Variants in TMEM150A observed in about 807,000 individuals in gnomAD.
The protein encoded by TMEM150A is transmembrane protein 150A.
A neutral mutation model predicts 29.8 loss-of-function variants in TMEM150A; 18 were observed. That is an observed-to-expected ratio of 0.60 (90% CI 0.42 to 0.90). The LOEUF is 0.90. Among genes scored for constraint, TMEM150A ranks in the 40% least tolerant of loss-of-function variants. The probability of loss-of-function intolerance (pLI) is 0.00; values close to 1 mark genes in which losing one functional copy is unlikely to be tolerated. For missense variants in TMEM150A, 251 were observed against 349.7 expected (o/e 0.72, Z 2.25); for synonymous variants, 127 against 143.6 (o/e 0.88, Z 0.83).
chr2:85,600,090 C>T, intron 5 of TMEM150A, 72 bp from the exon 6 acceptor site: 1 of 1,585,598 alleles, frequency 6.3e-7, no homozygotes, highest in South Asian at 1.1e-5. Flanking sequence ...CAGCTTCCCC[C>T]AGACGCTGTG....
Position 85,601,098 on chromosome 2 carries a change from G to A in TMEM150A, c.123C>T (p.Asn41=), listed in dbSNP as rs376821311. ...HVCPVENWSY[N]ESCPPDPAEQ... is the part of the protein sequence containing the mutation. ...CAGCAGGGTCAGGAGGGCAGGACTC[G>A]TTGTAGGACCTGGCAGGCAGGACAG... is the stretch of plus-strand genomic sequence containing the variant. Residue 41 remains asparagine, a synonymous_variant, in exon 4 of 8, where the codon AAC becomes AAT. Coordinates refer to ENST00000334462, the MANE Select transcript of TMEM150A (RefSeq NM_001031738.3). The surrounding 1 kb of genome is among the most constrained non-coding windows in gnomAD (Gnocchi z 4.0). 7.4e-6 allele frequency: 12 copies of A among 1,612,620 alleles called. No individual in the cohort carries two copies. The South Asian group carries it at 7.7e-5, about 10-fold the overall frequency.
rs1469508854 is a variant in TMEM150A at position 85,599,251 on chromosome 2, C to T, written c.641G>A (p.Cys214Tyr). Residue 214 changes from cysteine to tyrosine, a missense_variant, in exon 8 of 8, where the codon TGT becomes TAT. Physicochemically the swap from Cys to Tyr is radical, Grantham distance 194. Transcript: ENST00000334462. The surrounding 1 kb of genome is among the most constrained non-coding windows in gnomAD (Gnocchi z 6.0). The part of the protein sequence containing the change: ...QHGAALCEWV[C>Y]VIDILIFYGT... ...ATAGAAAATGAGGATATCGATGACA[C>T]ACACCCACTCACACAGGGCTGCCCC... 1 of 1,614,064 alleles carries T rather than the reference C, an allele frequency of 6.2e-7. No individual in the cohort carries two copies.
In TMEM150A at chr2:85,601,236, T is replaced by C; in HGVS notation, c.114-129A>G. ...AGGGACAGAAGATCCCACTCCCCAGTGCCCGCCTGAAGCAGTAACCAAAGG... is the reference window on the plus strand; with the variant it reads ...AGGGACAGAAGATCCCACTCCCCAGCGCCCGCCTGAAGCAGTAACCAAAGG... On this transcript the variant is annotated intron_variant, in intron 3 of 7. Transcript: ENST00000334462. The surrounding 1 kb of genome is among the most constrained non-coding windows in gnomAD (Gnocchi z 4.0). 1 of 1,194,274 alleles carries C rather than the reference T, an allele frequency of 8.4e-7. No homozygotes were observed. The allele number at this position is 1,194,274 out of a possible 1,614,324, so 74.0% of individuals were successfully genotyped here. A position where few individuals can be genotyped will look rare whatever the true frequency, so the allele number is the denominator to read the frequency against.
chr2:85,602,479 G>T lies in TMEM150A; in HGVS notation c.-117+128C>A, dbSNP rs112653777. 2 of 151,898 alleles carry T rather than the reference G, an allele frequency of 1.3e-5. No individual in the cohort carries two copies. The highest frequency in any genetic ancestry group is 4.8e-5 in the African/African-American group (2 of 41,344). The allele number at this position is 151,898 out of a possible 1,614,324, so 9.4% of individuals were successfully genotyped here. On this transcript the variant is annotated intron_variant, in intron 1 of 7. Transcript: ENST00000334462. The surrounding 1 kb of genome is among the most constrained non-coding windows in gnomAD (Gnocchi z 5.6). Reference sequence around the variant, plus strand: ...GAAAGCCCAGCCCGGCCCGGCCCCCGCTCGCCTGGGCGCGGGGACCCCGGC... The same window carrying T: ...GAAAGCCCAGCCCGGCCCGGCCCCCTCTCGCCTGGGCGCGGGGACCCCGGC...
At position 85,602,164 on chromosome 2, in the gene TMEM150A, G is replaced by A; in HGVS notation, c.-116-100C>T. 1.9e-6 allele frequency: 1 copy of A among 523,838 alleles called. No homozygotes were observed. Among genetic ancestry groups the A allele is most frequent in the South Asian group, 2.2e-5 (1 of 46,352 alleles). 32.4% of individuals were successfully genotyped at this position (523,838 alleles called of 1,614,324 possible). The stretch of plus-strand genomic sequence containing the variant: ...TCCAGCGCTCCCGTTGGGTCTCTGA[G>A]CGTCCAAAGTTTGGGCTGAGCCCAC... On this transcript the variant is annotated intron_variant, in intron 1 of 7. Transcript: ENST00000334462. This position sits in a 1 kb window ranked among gnomAD's most constrained non-coding sequence, Gnocchi z 5.6.
At chr2:85,600,867 A>G in intron 4 of TMEM150A, 154 bp downstream of exon 4, 1 of 651,252 alleles carries the variant, frequency 1.5e-6, no homozygotes. Context: ...AGCACTCAGC[A>G]GAGTGCCTGC....
rs1672771211 is a variant in TMEM150A at position 85,598,978 on chromosome 2, C to T, written c.*98G>A. On this transcript the variant is annotated 3_prime_UTR_variant, in exon 8 of 8. Transcript: ENST00000334462. ...AGAAGTGAGGAAGCCCAGATCCCAACAGAATACTTTCTCAAAATTGTTTTT... is the reference window on the plus strand; with the variant it reads ...AGAAGTGAGGAAGCCCAGATCCCAATAGAATACTTTCTCAAAATTGTTTTT... 4.0e-6 allele frequency: 6 copies of T among 1,512,864 alleles called. No individual in the cohort carries two copies. Among genetic ancestry groups the T allele is most frequent in the Non-Finnish European group, 5.3e-6 (6 of 1,125,744 alleles). The allele number at this position is 1,512,864 out of a possible 1,614,324, so 93.7% of individuals were successfully genotyped here.
At position 85,601,449 on chromosome 2, in the gene TMEM150A, G is replaced by A. The variant is rs543708298; in HGVS notation, c.99C>T (p.Cys33=). The A allele has an allele frequency of 6.2e-7, 1 of 1,613,514 alleles. No homozygotes were observed. Among genetic ancestry groups the A allele is most frequent in the Admixed American group, 1.7e-5 (1 of 60,022 alleles). Residue 33 remains cysteine, a synonymous_variant, in exon 3 of 8, where the codon TGC becomes TGT. Transcript: ENST00000334462. The surrounding 1 kb of genome is among the most constrained non-coding windows in gnomAD (Gnocchi z 4.0). ...GTCCTTCATACCAGTTCTCCACAGG[G>A]CATACATGGTGGTTCATCACAGCCA... ...YAMAVMNHHV[C]PVENWSYNES...
At position 85,601,983 on chromosome 2, in the gene TMEM150A, GGGA is replaced by G; in HGVS notation, c.-38_-36del. The stretch of plus-strand genomic sequence containing the variant: ...GAGCCAGGGTGGTGGTGGTGTTGGG[GGGA>G]GGACAAGAGGTAGATGGGGAAGTGG... On this transcript the variant is annotated 5_prime_UTR_variant, in exon 2 of 8. Transcript: ENST00000334462. The surrounding 1 kb of genome is among the most constrained non-coding windows in gnomAD (Gnocchi z 4.0). 6.2e-7 allele frequency: 1 copy of G among 1,610,420 alleles called. No individual in the cohort carries two copies. The highest frequency in any genetic ancestry group is 8.5e-7 in the Non-Finnish European group (1 of 1,176,844).
rs1672760529 is a variant in TMEM150A at position 85,598,793 on chromosome 2, G to A, written c.*283C>T. ...ACCCCAGTGGTCTGGCTTTGGCACT[G>A]GGAGTAGAAGGCACCTGAAGGGCTG... On this transcript the variant is annotated 3_prime_UTR_variant, in exon 8 of 8. Transcript: ENST00000334462. 2.5e-6 allele frequency: 1 copy of A among 402,714 alleles called. No homozygotes were observed. The highest frequency in any genetic ancestry group is 2.5e-5 in the South Asian group (1 of 40,574). 24.9% of individuals were successfully genotyped at this position (402,714 alleles called of 1,614,324 possible).
Position 85,599,675 on chromosome 2 carries a change from C to A in TMEM150A, c.424G>T (p.Val142Phe). Residue 142 changes from valine to phenylalanine, a missense_variant, in exon 7 of 8, where the codon GTT (valine) becomes TTT (phenylalanine). Transcript: ENST00000334462. This position sits in a 1 kb window ranked among gnomAD's most constrained non-coding sequence, Gnocchi z 6.0. ...QVDHARSLHYVGAGVAFPAGL... is the reference protein window; with the variant it reads ...QVDHARSLHYFGAGVAFPAGL... ...GCAGGGAAGGCCACGCCAGCTCCAACGTAGTGCAGAGACCTGGCATGATCC... is the reference window on the plus strand; with the variant it reads ...GCAGGGAAGGCCACGCCAGCTCCAAAGTAGTGCAGAGACCTGGCATGATCC... 6.2e-7 allele frequency: 1 copy of A among 1,613,442 alleles called. No homozygotes were observed. The highest frequency in any genetic ancestry group is 8.5e-7 in the Non-Finnish European group (1 of 1,179,940).
rs1403498484 is a variant in TMEM150A at position 85,601,597 on chromosome 2, G to A, written c.66-115C>T. On this transcript the variant is annotated intron_variant, in intron 2 of 7. Transcript: ENST00000334462. The surrounding 1 kb of genome is among the most constrained non-coding windows in gnomAD (Gnocchi z 4.0). The stretch of plus-strand genomic sequence containing the variant: ...CCATTCAGCCTCATTATTGTTGCTG[G>A]GGACTCAAGTTGAGGTCCCTAAGGC... 3.1e-6 allele frequency: 4 copies of A among 1,275,820 alleles called. No homozygotes were observed. The highest frequency in any genetic ancestry group is 2.0e-5 in the Admixed American group (1 of 48,922). 79.0% of individuals were successfully genotyped at this position (1,275,820 alleles called of 1,614,324 possible). A position where few individuals can be genotyped will look rare whatever the true frequency, so the allele number is the denominator to read the frequency against.
chr2:85,599,824 G>T lies in TMEM150A; in HGVS notation c.396+67C>A. 6.2e-7 allele frequency: 1 copy of T among 1,610,084 alleles called. No individual in the cohort carries two copies. The highest frequency in any genetic ancestry group is 8.5e-7 in the Non-Finnish European group (1 of 1,178,216). On this transcript the variant is annotated intron_variant, in intron 6 of 7. Coordinates refer to ENST00000334462, the MANE Select transcript of TMEM150A (RefSeq NM_001031738.3). This position sits in a 1 kb window ranked among gnomAD's most constrained non-coding sequence, Gnocchi z 6.0. Reference sequence around the variant, plus strand: ...CTCTTTCCAGCCCCAACCTTGAGGTGCCACACTGCAGGCAGCCAGGCCTTG... The same window carrying T: ...CTCTTTCCAGCCCCAACCTTGAGGTTCCACACTGCAGGCAGCCAGGCCTTG...
At chr2:85,600,565 C>T in intron 4 of TMEM150A, 153 bp from the exon 5 acceptor site, 1 of 645,932 alleles carries the variant, frequency 1.5e-6, no homozygotes, top group Non-Finnish European at 2.8e-6. Flanking sequence ...TCATGAACAA[C>T]TGGTTCCAGG....
rs1270357024 is a variant in TMEM150A, at chr2:85,601,525, C to T, written c.66-43G>A. On this transcript the variant is annotated intron_variant, in intron 2 of 7. Transcript: ENST00000334462. This position sits in a 1 kb window ranked among gnomAD's most constrained non-coding sequence, Gnocchi z 4.0. ...TCACCCTGGCAGCCTTCCCGAGCCC[C>T]ACTCAACCCACCCCATGACCCTTCT... 1.3e-6 allele frequency: 2 copies of T among 1,599,134 alleles called. No homozygotes were observed. Among genetic ancestry groups the T allele is most frequent in the East Asian group, 2.2e-5 (1 of 44,702 alleles).
At position 85,601,134 on chromosome 2, in the gene TMEM150A, G is replaced by C; in HGVS notation, c.114-27C>G. ...TGGCAGGCAGGACAGGGAGTAGACT[G>C]GGGGAAGGGACTGCCCCCAGGCCCT... On this transcript the variant is annotated intron_variant, in intron 3 of 7. Coordinates refer to ENST00000334462, the MANE Select transcript of TMEM150A (RefSeq NM_001031738.3). This position sits in a 1 kb window ranked among gnomAD's most constrained non-coding sequence, Gnocchi z 4.0. 1 of 1,608,278 alleles carries C rather than the reference G, an allele frequency of 6.2e-7. No individual in the cohort carries two copies. The highest frequency in any genetic ancestry group is 8.5e-7 in the Non-Finnish European group (1 of 1,177,108).
At position 85,602,044 on chromosome 2, in the gene TMEM150A, A is replaced by G. The variant is rs989419933; in HGVS notation, c.-96T>C. 35 of 1,101,076 alleles carry G rather than the reference A, an allele frequency of 3.2e-5. No homozygotes were observed. Among genetic ancestry groups the G allele is most frequent in the Non-Finnish European group, 4.3e-5 (31 of 719,798 alleles). 68.2% of individuals were successfully genotyped at this position (1,101,076 alleles called of 1,614,324 possible). ...CCAGCTACCTTGAGATGTTTCTGCCACAACCATCAGCTGTCCTGGCCTGGT... is the reference window on the plus strand; with the variant it reads ...CCAGCTACCTTGAGATGTTTCTGCCGCAACCATCAGCTGTCCTGGCCTGGT... On this transcript the variant is annotated 5_prime_UTR_variant, in exon 2 of 8. Coordinates refer to ENST00000334462, the MANE Select transcript of TMEM150A (RefSeq NM_001031738.3). This position sits in a 1 kb window ranked among gnomAD's most constrained non-coding sequence, Gnocchi z 5.6.
chr2:85,601,349 A>T lies in TMEM150A; in HGVS notation c.113+86T>A, dbSNP rs775855854. 1 of 1,528,330 alleles carries T rather than the reference A, an allele frequency of 6.5e-7. No individual in the cohort carries two copies. The highest frequency in any genetic ancestry group is 1.1e-5 in the South Asian group (1 of 89,268). The allele number at this position is 1,528,330 out of a possible 1,614,324, so 94.7% of individuals were successfully genotyped here. On this transcript the variant is annotated intron_variant, in intron 3 of 7. Coordinates refer to ENST00000334462, the MANE Select transcript of TMEM150A (RefSeq NM_001031738.3). The surrounding 1 kb of genome is among the most constrained non-coding windows in gnomAD (Gnocchi z 4.0). ...GAAGAGCAGTGAGGCTCAGGGTTGC[A>T]GTCTGGCTCGTGGCAGCCTCAGGCC...
In TMEM150A at chr2:85,599,519, G is replaced by C. The variant is rs1416195976; in HGVS notation, c.574+6C>G. ...AGTTCCTGGCTGCCCCGTCCTGAAA[G>C]GATACTGAGGACCAGGGTGATAAAG... On this transcript the variant is annotated splice_donor_region_variant and intron_variant, in intron 7 of 7. Transcript: ENST00000334462. The surrounding 1 kb of genome is among the most constrained non-coding windows in gnomAD (Gnocchi z 6.0). The C allele has an allele frequency of 1.9e-6, 3 of 1,608,464 alleles. No individual in the cohort carries two copies. The highest frequency in any genetic ancestry group is 2.5e-6 in the Non-Finnish European group (3 of 1,177,360).
Sources: allele counts gnomAD v4.1 joint callset, GRCh38; gene constraint gnomAD v4.1.1; non-coding constraint Gnocchi (gnomAD v3.1); transcripts MANE v1.5; gene names NCBI Gene and HGNC (gene_info 2026-07-23, HGNC 2026-07-21).